The following WASHC4 variants were observed in gnomAD, a reference collection of about 807,000 sequenced individuals.
WASHC4 encodes the protein WASH complex subunit 7.
WASHC4 carries 86 observed loss-of-function variants against 166.6 expected under a neutral mutation model. The observed-to-expected ratio is 0.52, with a 90% CI of 0.43 to 0.62. WASHC4 has a LOEUF of 0.62. Ranked by LOEUF, WASHC4 falls within the 20% of genes least tolerant of loss-of-function variation. The probability of loss-of-function intolerance (pLI) is 0.00; values close to 1 mark genes in which losing one functional copy is unlikely to be tolerated. For synonymous variants in WASHC4, 446 were observed against 451.6 expected, an observed-to-expected ratio of 0.99 and a Z score of 0.16; for missense variants, 1,262 against 1,382.4, an observed-to-expected ratio of 0.91 and a Z score of 1.38.
rs141803928 is a variant in WASHC4, at chr12:105,158,895, C to T, written c.2913-1106C>T. Among the ~76,000 whole-genome samples the T allele has an allele frequency of 2.8e-3, 424 of 152,088 alleles. 4 individuals are homozygous for T. The highest frequency in any genetic ancestry group is 9.5e-3 in the African/African-American group (395 of 41,444). ...GTGGTGAATCTAGTTGAAGGGTATA[C>T]GGGTGTTCATTATACTATATTTTAA... On this transcript the variant is annotated intron_variant, in intron 28 of 32. Transcript: ENST00000332180.
At chr12:105,129,796 C>G (rs1015357035) in intron 13 of WASHC4, among the ~76,000 whole-genome samples, 4 of 152,126 alleles carry the variant, frequency 2.6e-5, no homozygotes, top group African/African-American at 9.7e-5. Context: ...AAACTAAAAC[C>G]AAAAGGTGAA....
Position 105,146,507 on chromosome 12 carries a change from T to C in WASHC4, c.2390T>C (p.Leu797Pro). 6.2e-7 allele frequency: 1 copy of C among 1,601,680 alleles called. No individual in the cohort carries two copies. The highest frequency in any genetic ancestry group is 8.6e-7 in the Non-Finnish European group (1 of 1,169,224). ...ATTCATATATTTGTGTCCCGATACC[T>C]CTATAATCTCAACAATCAGGTGAGT... ...RNIHIFVSRY[L>P]YNLNNQIFIE... Residue 797 changes from leucine (L) to proline (P), a missense_variant, in exon 23 of 33, where the codon CTC becomes CCC. Leu to Pro is a moderately conservative substitution (Grantham distance 98). Coordinates refer to ENST00000332180, the MANE Select transcript of WASHC4 (RefSeq NM_015275.3).
At chr12:105,132,801 TGTGTG>T (rs1309753466) in intron 13 of WASHC4, among the ~76,000 whole-genome samples, 2 of 150,344 alleles carry the variant, frequency 1.3e-5, no homozygotes, top group Admixed American at 6.6e-5. Flanking sequence ...TGTGTGTGTG[TGTGTG>T]TGTGTGTGTG....
chr12:105,155,488 TC>T (rs1381953154), intron 26 of WASHC4, among the ~76,000 whole-genome samples: 1 of 546 alleles, frequency 1.8e-3, no homozygotes. Context: ...GGGTGCAAGA[TC>T]GATGTCAGGA....
chr12:105,166,842 T>C (rs1180836604), intron 32 of WASHC4, 22 bp from the exon 33 acceptor site: 1 of 1,523,948 alleles, frequency 6.6e-7, no homozygotes, highest in Non-Finnish European at 9.1e-7. Flanking sequence ...ATATCCATTA[T>C]TATTTTCACT....
At chr12:105,152,132 C>T (rs894629946) in intron 25 of WASHC4, among the ~76,000 whole-genome samples, 1 of 152,084 alleles carries the variant, frequency 6.6e-6, no homozygotes, top group Non-Finnish European at 1.5e-5. Flanking sequence ...AGGTTAGTGG[C>T]ATTGATTATT....
chr12:105,111,294 A>G, intron 2 of WASHC4, 30 bp downstream of exon 2: 3 of 1,451,316 alleles, frequency 2.1e-6, no homozygotes, highest in South Asian at 1.2e-5. Context: ...AAATATATGT[A>G]TATATTTTCT....
At chr12:105,155,794 A>T (rs1884116394) in intron 26 of WASHC4, among the ~76,000 whole-genome samples, 1 of 152,196 alleles carries the variant, frequency 6.6e-6, no homozygotes, top group Non-Finnish European at 1.5e-5. Flanking sequence ...GTGAGCTGAG[A>T]TCATACCACT....
At position 105,142,518 on chromosome 12, in the gene WASHC4, A is replaced by G. The variant is rs1566016964; in HGVS notation, c.1853A>G (p.Asp618Gly). 3 of 1,606,764 alleles carry G rather than the reference A, an allele frequency of 1.9e-6. No homozygotes were observed. The highest frequency in any genetic ancestry group is 1.7e-4 in the Middle Eastern group (1 of 6,046). Reference sequence around the variant, plus strand: ...CGAGCTGTCTTCCCAATTTATTTAGATGATGTATATGAAAATGCTGTTGAT... The same window carrying G: ...CGAGCTGTCTTCCCAATTTATTTAGGTGATGTATATGAAAATGCTGTTGAT... ...WHRAVFPIYLDDVYENAVDAA... is the reference protein window; with the variant it reads ...WHRAVFPIYLGDVYENAVDAA... The change falls in exon 19 of 33, where the codon GAT becomes GGT. Residue 618 changes from aspartate to glycine, a missense_variant. Asp to Gly is a moderately conservative substitution (Grantham distance 94, BLOSUM62 -1). Transcript: ENST00000332180.
intron 30 of WASHC4, among the ~76,000 whole-genome samples, 193 bp downstream of exon 30, chr12:105,163,038 G>C (rs1415518682): frequency 6.6e-6 from 1 of 151,646 alleles, no homozygotes; most frequent in Non-Finnish European, 1.5e-5. Flanking sequence ...ATCACTGCAA[G>C]CTCCGCCTCC....
intron 29 of WASHC4, among the ~76,000 whole-genome samples, chr12:105,160,985 C>A (rs1884459813): frequency 6.6e-6 from 1 of 152,042 alleles, no homozygotes; most frequent in Non-Finnish European, 1.5e-5. Context: ...ATTATAAAAA[C>A]AGCTGTTCCA....
At chr12:105,147,212 C>T in intron 24 of WASHC4, 66 bp downstream of exon 24, 2 of 928,640 alleles carry the variant, frequency 2.2e-6, no homozygotes, top group Non-Finnish European at 3.6e-6. Context: ...ACGTGGTTTT[C>T]TCATAGAATA....
rs912009007 is a variant in WASHC4, at chr12:105,167,098, A to G, written c.*167A>G. 1.6e-6 allele frequency: 1 copy of G among 609,342 alleles called. No individual in the cohort carries two copies. The allele number at this position is 609,342 out of a possible 1,614,324, so 37.7% of individuals were successfully genotyped here. The stretch of plus-strand genomic sequence containing the variant: ...TTAAAGTGAAGTTCATTCTGTTTCC[A>G]AAGGCTCTACTTTCAAAGGTTAAGA... On this transcript the variant is annotated 3_prime_UTR_variant, in exon 33 of 33. Coordinates refer to ENST00000332180, the MANE Select transcript of WASHC4 (RefSeq NM_015275.3).
chr12:105,138,105 A>G, intron 15 of WASHC4, 94 bp downstream of exon 15: 2 of 1,238,536 alleles, frequency 1.6e-6, no homozygotes, highest in Non-Finnish European at 2.2e-6. Flanking sequence ...ACATGATTAT[A>G]TGAGAACAGA....
In WASHC4 at chr12:105,162,741, C is replaced by G. The variant is rs1182015329; in HGVS notation, c.3061-8C>G. 2.0e-6 allele frequency: 3 copies of G among 1,473,338 alleles called. No homozygotes were observed. The highest frequency in any genetic ancestry group is 2.8e-6 in the Non-Finnish European group (3 of 1,056,290). 91.3% of individuals were successfully genotyped at this position (1,473,338 alleles called of 1,614,324 possible). A position where few individuals can be genotyped will look rare whatever the true frequency, so the allele number is the denominator to read the frequency against. ...TTGTTTTTCTAACATGTTGTTACAT[C>G]TTTTTAGACCCTCAACTTTGTAGAG... On this transcript the variant is annotated splice_polypyrimidine_tract_variant and splice_region_variant and intron_variant, in intron 29 of 32. Transcript: ENST00000332180.
At chr12:105,164,005 A>G (rs1884658434) in intron 30 of WASHC4, 106 bp from the exon 31 acceptor site, 4 of 1,005,938 alleles carry the variant, frequency 4.0e-6, no homozygotes, top group Non-Finnish European at 3.1e-6. Context: ...TTAAAATGCT[A>G]GGAATTATTA....
chr12:105,122,373 T>C (rs1272223812), intron 10 of WASHC4, 135 bp downstream of exon 10: 1 of 847,982 alleles, frequency 1.2e-6, no homozygotes, highest in Non-Finnish European at 1.9e-6. Context: ...AAAATTATTG[T>C]TACAGTACTA....
At chr12:105,163,976 A>C in intron 30 of WASHC4, 135 bp from the exon 31 acceptor site, 1 of 776,958 alleles carries the variant, frequency 1.3e-6, no homozygotes, top group South Asian at 1.7e-5. Context: ...TGTAAAATGT[A>C]ACTTGAAACG....
intron 12 of WASHC4, 77 bp from the exon 13 acceptor site, chr12:105,127,052 G>A (rs1385017556): frequency 2.5e-6 from 3 of 1,201,564 alleles, no homozygotes; most frequent in Non-Finnish European, 3.7e-6. Flanking sequence ...TCTTCCATGT[G>A]TATTATAGAA....
Sources: allele counts gnomAD v4.1 joint callset (sites outside exome capture counted in the v4.1 genomes callset), GRCh38; gene constraint gnomAD v4.1.1; transcripts MANE v1.5; gene names NCBI Gene and HGNC (gene_info 2026-07-23, HGNC 2026-07-21).